Variants in CREB5 observed in about 807,000 individuals in gnomAD.
CREB5 encodes the protein cyclic AMP-responsive element-binding protein 5.
CREB5 carries 19 observed loss-of-function variants against 57.1 expected under a neutral mutation model. The ratio of observed to expected loss-of-function variants is 0.33; its 90% CI spans 0.23 to 0.49. CREB5 has a LOEUF of 0.49. Ranked by LOEUF, CREB5 falls within the 20% of genes least tolerant of loss-of-function variation. The pLI, the probability that CREB5 is intolerant of heterozygous loss-of-function variation, is 0.99. For synonymous variants in CREB5, 238 were observed against 238.3 expected (o/e 1.00, Z 0.01); for missense variants, 579 against 671.6 (o/e 0.86, Z 1.52).
chr7:28,634,761 C>G (rs1457830152), intron 5 of CREB5, among the ~76,000 whole-genome samples: 1 of 152,196 alleles, frequency 6.6e-6, no homozygotes, highest in African/African-American at 2.4e-5. Context: ...TCTGGTCCAT[C>G]TCACTTTCTG....
intron 1 of CREB5, among the ~76,000 whole-genome samples, chr7:28,319,326 C>T (rs756836332): frequency 1.8e-4 from 27 of 152,160 alleles, no homozygotes; most frequent in Admixed American, 2.0e-4. Flanking sequence ...TTATCTTTCA[C>T]TTGTGCCACT....
At chr7:28,627,169 C>G (rs556669949) in intron 5 of CREB5, among the ~76,000 whole-genome samples, 3 of 152,270 alleles carry the variant, frequency 2.0e-5, no homozygotes, top group Admixed American at 6.5e-5. Context: ...TGTCTTCTAC[C>G]GTGGCTGCTG....
At chr7:28,772,773 G>C (rs2128777618) in intron 7 of CREB5, among the ~76,000 whole-genome samples, 1 of 152,278 alleles carries the variant, frequency 6.6e-6, no homozygotes, top group East Asian at 1.9e-4. Context: ...GGCTCACTCA[G>C]GTTTAGGATG....
intron 5 of CREB5, among the ~76,000 whole-genome samples, chr7:28,599,673 T>C (rs1418351490): frequency 6.6e-6 from 1 of 152,244 alleles, no homozygotes; most frequent in Non-Finnish European, 1.5e-5. Flanking sequence ...CACCTATTTC[T>C]ATCTGATGAA....
chr7:28,643,764 AAG>A (rs1280117790), intron 5 of CREB5, among the ~76,000 whole-genome samples: 1 of 62,032 alleles, frequency 1.6e-5, no homozygotes, highest in Non-Finnish European at 3.0e-5. Context: ...GGGGGGGCGG[AAG>A]AAAAAAAAAA....
At chr7:28,694,359 C>G (rs973065520) in intron 5 of CREB5, among the ~76,000 whole-genome samples, 3 of 152,132 alleles carry the variant, frequency 2.0e-5, no homozygotes, top group Non-Finnish European at 4.4e-5. Context: ...AGTGGCCTCT[C>G]TATAGCCAGA....
intron 7 of CREB5, among the ~76,000 whole-genome samples, chr7:28,765,440 A>T (rs564649127): frequency 2.6e-5 from 4 of 152,224 alleles, no homozygotes; most frequent in Non-Finnish European, 2.9e-5. Context: ...GTGTAGTGAA[A>T]TATTTAGTTG....
intron 5 of CREB5, among the ~76,000 whole-genome samples, chr7:28,675,972 G>T (rs528500207): frequency 4.6e-5 from 7 of 152,226 alleles, no homozygotes; most frequent in Admixed American, 3.3e-4. Flanking sequence ...CTGCCCCAAA[G>T]CTAATTCCTT....
chr7:28,680,124 GCA>G (rs1348258451), intron 5 of CREB5, among the ~76,000 whole-genome samples: 2 of 152,168 alleles, frequency 1.3e-5, no homozygotes, highest in Non-Finnish European at 2.9e-5. Flanking sequence ...TTGCAGACCT[GCA>G]CCTGAGAGTG....
intron 3 of CREB5, among the ~76,000 whole-genome samples, chr7:28,500,439 G>A (rs1321096403): frequency 2.6e-5 from 4 of 152,146 alleles, no homozygotes; most frequent in Admixed American, 6.5e-5. Flanking sequence ...TCTTTATCCC[G>A]TCTTCCTTTA....
At chr7:28,557,296 T>A (rs1021614856) in intron 4 of CREB5, among the ~76,000 whole-genome samples, 1 of 152,118 alleles carries the variant, frequency 6.6e-6, no homozygotes, top group Non-Finnish European at 1.5e-5. Flanking sequence ...CACGGTACAA[T>A]GAAGTGAAAT....
At chr7:28,633,688 G>GA (rs1445625852) in intron 5 of CREB5, among the ~76,000 whole-genome samples, 2 of 152,174 alleles carry the variant, frequency 1.3e-5, no homozygotes, top group Non-Finnish European at 2.9e-5. Flanking sequence ...TACCAGCCAT[G>GA]ACAGTAGTGG....
At chr7:28,582,844 A>G (rs1338669920) in intron 5 of CREB5, among the ~76,000 whole-genome samples, 1 of 152,248 alleles carries the variant, frequency 6.6e-6, no homozygotes, top group Non-Finnish European at 1.5e-5. Flanking sequence ...AGGCTGACAT[A>G]TGACAATTCT....
At chr7:28,745,133 G>A (rs189108822) in intron 7 of CREB5, among the ~76,000 whole-genome samples, 57 of 152,252 alleles carry the variant, frequency 3.7e-4, no homozygotes, top group African/African-American at 1.3e-3. Context: ...GCTCCACGCT[G>A]GTCCTTGCAC....
chr7:28,431,262 G>C (rs1788701366), intron 1 of CREB5, among the ~76,000 whole-genome samples: 1 of 152,184 alleles, frequency 6.6e-6, no homozygotes, highest in Non-Finnish European at 1.5e-5. Flanking sequence ...TTGTACCAGA[G>C]GACGGGTCAC....
At chr7:28,766,814 C>T (rs1273406345) in intron 7 of CREB5, among the ~76,000 whole-genome samples, 3 of 152,280 alleles carry the variant, frequency 2.0e-5, no homozygotes, top group African/African-American at 7.2e-5. Context: ...ATCCCATCAC[C>T]CACTAGTATC....
chr7:28,398,107 C>A (rs1787376056), intron 1 of CREB5, among the ~76,000 whole-genome samples: 1 of 152,078 alleles, frequency 6.6e-6, no homozygotes, highest in African/African-American at 2.4e-5. Flanking sequence ...TCCTCATTTC[C>A]CCTTCCTCTT....
At chr7:28,587,656 G>A (rs969403366) in intron 5 of CREB5, among the ~76,000 whole-genome samples, 1 of 152,074 alleles carries the variant, frequency 6.6e-6, no homozygotes, top group Non-Finnish European at 1.5e-5. Flanking sequence ...GGCTAAATTT[G>A]GACCAATTTC....
chr7:28,553,281 T>G (rs986317691), intron 4 of CREB5, among the ~76,000 whole-genome samples: 10 of 152,206 alleles, frequency 6.6e-5, no homozygotes, highest in African/African-American at 2.4e-4. Flanking sequence ...AGTAATGCAT[T>G]TTTGTGTAAA....
Sources: gnomAD v4.1 joint callset for allele counts (sites outside exome capture counted in the v4.1 genomes callset) on GRCh38, gnomAD v4.1.1 for gene constraint, MANE v1.5 for transcripts, NCBI Gene and HGNC (gene_info 2026-07-23, HGNC 2026-07-21) for gene names.